Variants in NAALADL2 observed in about 807,000 individuals in gnomAD.
The protein encoded by NAALADL2 is inactive N-acetylated-alpha-linked acidic dipeptidase-like protein 2.
Under a neutral mutation model 87.2 loss-of-function variants are expected in NAALADL2, and 76 were observed. That is an observed-to-expected ratio of 0.87 (90% CI 0.72 to 1.05). The LOEUF is 1.05. Among genes scored for constraint, NAALADL2 ranks in the 50% least tolerant of loss-of-function variants. The probability of loss-of-function intolerance (pLI) is 0.00; values close to 1 mark genes in which losing one functional copy is unlikely to be tolerated. For synonymous variants in NAALADL2, 354 were observed against 331.0 expected, an observed-to-expected ratio of 1.07 and a Z score of -0.75; for missense variants, 1,089 against 945.8, an observed-to-expected ratio of 1.15 and a Z score of -1.99.
chr3:175,684,752 A>G (rs895332894), intron 11 of NAALADL2, among the ~76,000 whole-genome samples: 1 of 152,162 alleles, frequency 6.6e-6, no homozygotes, highest in Admixed American at 6.6e-5. Flanking sequence ...GCAGTGAGCT[A>G]TGACCGCACC....
At chr3:175,779,106 A>G (rs1750661097) in intron 13 of NAALADL2, among the ~76,000 whole-genome samples, 1 of 152,170 alleles carries the variant, frequency 6.6e-6, no homozygotes, top group Admixed American at 6.5e-5. Context: ...TAGGAAGATA[A>G]GATTGGCTTG....
intron 6 of NAALADL2, among the ~76,000 whole-genome samples, chr3:175,451,083 A>AT (rs1045569953): frequency 6.6e-6 from 1 of 152,072 alleles, no homozygotes; most frequent in Non-Finnish European, 1.5e-5. Context: ...TATTTATATG[A>AT]TTAGAGCCCT....
At chr3:175,558,194 C>CAAAAAAAAA (rs71164638) in intron 9 of NAALADL2, among the ~76,000 whole-genome samples, 3 of 82,426 alleles carry the variant, frequency 3.6e-5, no homozygotes, top group African/African-American at 9.3e-5. Context: ...GACCCCGTCT[C>CAAAAAAAAA]AAAAAAAAAA....
intron 3 of NAALADL2, among the ~76,000 whole-genome samples, chr3:174,814,667 AGTACTAC>A (rs1483205043): frequency 6.6e-6 from 1 of 152,204 alleles, no homozygotes; most frequent in African/African-American, 2.4e-5. Context: ...ATCAAATTTA[AGTACTAC>A]TATCAGAATT....
intron 2 of NAALADL2, among the ~76,000 whole-genome samples, chr3:175,099,089 T>C (rs1223031335): frequency 6.6e-6 from 1 of 152,176 alleles, no homozygotes; most frequent in African/African-American, 2.4e-5. Context: ...CCTCCTTATA[T>C]AACTTTGGCT....
chr3:175,665,665 G>C (rs1474524824), intron 11 of NAALADL2, among the ~76,000 whole-genome samples: 1 of 152,148 alleles, frequency 6.6e-6, no homozygotes, highest in African/African-American at 2.4e-5. Flanking sequence ...GGGCGCGATG[G>C]CTCACGCCTG....
At chr3:175,500,799 T>A (rs1368235369) in intron 9 of NAALADL2, among the ~76,000 whole-genome samples, 1 of 152,100 alleles carries the variant, frequency 6.6e-6, no homozygotes, top group Non-Finnish European at 1.5e-5. Flanking sequence ...AGATCCCAAA[T>A]GTGAACTTAA....
At chr3:175,434,251 G>A (rs900491696) in intron 5 of NAALADL2, among the ~76,000 whole-genome samples, 1 of 152,036 alleles carries the variant, frequency 6.6e-6, no homozygotes, top group South Asian at 2.1e-4. Context: ...TTAAATTAAT[G>A]TCAAGAAAAT....
chr3:175,525,991 A>G (rs1392407797), intron 9 of NAALADL2, among the ~76,000 whole-genome samples: 3 of 152,194 alleles, frequency 2.0e-5, no homozygotes, highest in African/African-American at 7.2e-5. Flanking sequence ...GGTAGATTTT[A>G]ATATTTATCA....
At chr3:175,383,606 T>C (rs573023525) in intron 5 of NAALADL2, among the ~76,000 whole-genome samples, 1 of 152,182 alleles carries the variant, frequency 6.6e-6, no homozygotes, top group South Asian at 2.1e-4. Context: ...TGTTTTGTTT[T>C]GTTTTTCATC....
rs547895975 is a variant in NAALADL2, at chr3:175,534,257, TAATAGGATAC to T, written c.1654-41778_1654-41769del. Among the ~76,000 whole-genome samples the T allele has an allele frequency of 3.8e-3, 581 of 152,028 alleles. 1 individual carries two copies. The highest frequency in any genetic ancestry group is 0.024 in the Middle Eastern group (7 of 294). The stretch of plus-strand genomic sequence containing the variant: ...TTAGCGTTCTCTAGAGGGACAGAAC[TAATAGGATAC>T]AATAGAATAGATAGATGGACAGGGA... On this transcript the variant is annotated intron_variant, in intron 9 of 13. Coordinates refer to ENST00000454872, the MANE Select transcript of NAALADL2 (RefSeq NM_207015.3).
At chr3:174,731,955 T>G (rs1046373271) in intron 2 of NAALADL2, among the ~76,000 whole-genome samples, 1 of 152,096 alleles carries the variant, frequency 6.6e-6, no homozygotes, top group African/African-American at 2.4e-5. Context: ...CTCAACTGAT[T>G]GTTATAGCAG....
At chr3:174,904,932 G>A (rs963790804) in intron 1 of NAALADL2, among the ~76,000 whole-genome samples, 10 of 151,778 alleles carry the variant, frequency 6.6e-5, no homozygotes, top group Non-Finnish European at 1.3e-4. Flanking sequence ...TAAATTCAGT[G>A]TAAGTCATAA....
chr3:175,592,302 CTTTTCTTTTTT>C (rs370428285), intron 10 of NAALADL2, among the ~76,000 whole-genome samples: 92,933 of 140,386 alleles, frequency 0.66, 31,308 homozygotes, highest in East Asian at 0.83. Flanking sequence ...TTTTCTTTTT[CTTTTCTTTTTT>C]TTTTTTTTTT....
In NAALADL2 at chr3:174,508,113, G is replaced by GTTTTTTTTTTTT. The variant is rs1560020933; in HGVS notation, c.-183-42456_-183-42455insTTTTTTTTTTTT. 6.6e-3 allele frequency among the ~76,000 whole-genome samples: 614 copies of GTTTTTTTTTTTT among 92,788 alleles called. 20 individuals carry two copies. Among genetic ancestry groups the GTTTTTTTTTTTT allele is most frequent in the African/African-American group, 0.02 (519 of 25,344 alleles). The allele number at this position is 92,788 out of a possible 152,430, so 60.9% of individuals were successfully genotyped here. A position where few individuals can be genotyped will look rare whatever the true frequency, so the allele number is the denominator to read the frequency against. ...AAATTTTAGCTATTGGATATCTAGT[G>GTTTTTTTTTTTT]GTTTTTTTTTTTTTTTTTGAGACGA... On this transcript the variant is annotated intron_variant, in intron 1 of 3. Coordinates refer to the NAALADL2 transcript ENST00000434257.
At chr3:174,455,215 C>T (rs923021096) in intron 1 of NAALADL2, among the ~76,000 whole-genome samples, 3 of 152,116 alleles carry the variant, frequency 2.0e-5, no homozygotes, top group African/African-American at 7.2e-5. Flanking sequence ...ATAACAAGCT[C>T]TGAAAGTGTA....
chr3:174,672,947 G>C (rs2108806210), intron 2 of NAALADL2, among the ~76,000 whole-genome samples: 1 of 151,912 alleles, frequency 6.6e-6, no homozygotes, highest in African/African-American at 2.4e-5. Context: ...AGGGGAAACT[G>C]TCGTGGGGTT....
intron 1 of NAALADL2, among the ~76,000 whole-genome samples, chr3:174,993,330 TCC>T (rs1343004330): frequency 6.6e-6 from 1 of 152,076 alleles, no homozygotes; most frequent in Admixed American, 6.6e-5. Flanking sequence ...TTCACCATGT[TCC>T]CCCTGGTTAT....
chr3:175,292,723 C>T (rs542935956), intron 4 of NAALADL2, among the ~76,000 whole-genome samples: 3 of 151,870 alleles, frequency 2.0e-5, no homozygotes, highest in Admixed American at 1.3e-4. Context: ...AGGCTGTGTA[C>T]AAAGGTCTAG....
Sources: gnomAD v4.1 joint callset for allele counts (sites outside exome capture counted in the v4.1 genomes callset) on GRCh38, gnomAD v4.1.1 for gene constraint, MANE v1.5 for transcripts, NCBI Gene and HGNC (gene_info 2026-07-23, HGNC 2026-07-21) for gene names.